Variants in RFX4 observed in about 807,000 individuals in gnomAD.
RFX4 encodes transcription factor RFX4.
RFX4 carries 10 observed loss-of-function variants against 95.0 expected under a neutral mutation model. The observed-to-expected ratio is 0.11, with a 90% CI of 0.06 to 0.18. The LOEUF (loss-of-function observed/expected upper bound fraction) is 0.18, where lower values mean the gene tolerates loss of function less well. Ranked by LOEUF, RFX4 falls within the 10% of genes least tolerant of loss-of-function variation. The pLI is 1.00. For synonymous variants in RFX4, 321 were observed against 340.7 expected (o/e 0.94, Z 0.64); for missense variants, 640 against 922.0 (o/e 0.69, Z 3.96).
At chr12:106,602,911 C>T (rs2039741818) in intron 1 of RFX4, among the ~76,000 whole-genome samples, 1 of 152,100 alleles carries the variant, frequency 6.6e-6, no homozygotes, top group African/African-American at 2.4e-5. Context: ...TTCGAACTTA[C>T]ATGTTAAGGG....
At chr12:106,644,021 T>G (rs2040689983) in intron 3 of RFX4, among the ~76,000 whole-genome samples, 1 of 152,190 alleles carries the variant, frequency 6.6e-6, no homozygotes, top group African/African-American at 2.4e-5. Flanking sequence ...GTTTTTAATT[T>G]AGCATTGTCT....
intron 10 of RFX4, among the ~76,000 whole-genome samples, chr12:106,713,708 A>G (rs1025730575): frequency 1.4e-4 from 22 of 152,282 alleles, no homozygotes; most frequent in African/African-American, 4.8e-4. Flanking sequence ...GGAATCCTCA[A>G]CAGCAGCCCT....
intron 14 of RFX4, among the ~76,000 whole-genome samples, 177 bp from the exon 15 acceptor site, chr12:106,732,747 G>A (rs2042637195): frequency 6.6e-6 from 1 of 152,042 alleles, no homozygotes; most frequent in Non-Finnish European, 1.5e-5. Flanking sequence ...TAAATAAAGT[G>A]GGCATATTTA....
At chr12:106,635,711 G>T (rs1449221689) in intron 2 of RFX4, among the ~76,000 whole-genome samples, 1 of 152,140 alleles carries the variant, frequency 6.6e-6, no homozygotes, top group Admixed American at 6.5e-5. Flanking sequence ...GAACATTTTA[G>T]ATGTCCCTCA....
At position 106,732,908 on chromosome 12, in the gene RFX4, C is replaced by T. The variant is rs1306145019; in HGVS notation, c.1472-16C>T. 1.9e-6 allele frequency: 3 copies of T among 1,609,888 alleles called. No homozygotes were observed. The highest frequency in any genetic ancestry group is 2.5e-6 in the Non-Finnish European group (3 of 1,176,734). ...TTACATTTGGTTTTAAAAACTTACC[C>T]TATCTCTATCCACAGCAGAAGTCCG... is the stretch of plus-strand genomic sequence containing the variant. On this transcript the variant is annotated splice_polypyrimidine_tract_variant and intron_variant, in intron 14 of 17. Transcript: ENST00000392842.
At chr12:106,645,399 T>C (rs1413356297) in intron 3 of RFX4, among the ~76,000 whole-genome samples, 1 of 152,014 alleles carries the variant, frequency 6.6e-6, no homozygotes, top group Non-Finnish European at 1.5e-5. Flanking sequence ...CAGAGCTCCT[T>C]GTACGCCTTC....
At chr12:106,674,562 C>T (rs1592924091) in intron 4 of RFX4, among the ~76,000 whole-genome samples, 1 of 151,966 alleles carries the variant, frequency 6.6e-6, no homozygotes, top group South Asian at 2.1e-4. Flanking sequence ...AACTCCTGAC[C>T]TTAGTGATCT....
At chr12:106,611,032 T>C (rs1311589632) in intron 2 of RFX4, among the ~76,000 whole-genome samples, 2 of 152,202 alleles carry the variant, frequency 1.3e-5, no homozygotes, top group African/African-American at 4.8e-5. Flanking sequence ...TAAAATGGTA[T>C]CCCATTGTGG....
rs747777670 is a variant in RFX4 at position 106,654,240 on chromosome 12, C to T, written c.204C>T (p.Asn68=). 1.2e-6 allele frequency: 2 copies of T among 1,613,874 alleles called. No individual in the cohort carries two copies. The highest frequency in any genetic ancestry group is 1.7e-5 in the Admixed American group (1 of 60,000). ...TTTATTTCCCTAGGCTGGAGGAGAA[C>T]TATGAGATTGCAGAGGGGGTCTGCA... The part of the protein sequence containing the change: ...TPATLQWLEE[N]YEIAEGVCIP... Residue 68 remains asparagine, a synonymous_variant, in exon 4 of 18, where the codon AAC becomes AAT. Transcript: ENST00000392842.
At chr12:106,601,127 G>A (rs2137182246) in intron 1 of RFX4, 2 of 1,434,858 alleles carry the variant, frequency 1.4e-6, no homozygotes, top group South Asian at 3.0e-5. Flanking sequence ...CCTGGGGCAG[G>A]ACCTGTGGCG....
intron 4 of RFX4, among the ~76,000 whole-genome samples, chr12:106,671,323 AT>A (rs951665308): frequency 5.9e-5 from 9 of 152,290 alleles, no homozygotes; most frequent in African/African-American, 1.9e-4. Context: ...TCAAGATCAT[AT>A]TATTTGGGGT....
intron 3 of RFX4, among the ~76,000 whole-genome samples, chr12:106,640,776 G>A (rs1034513642): frequency 7.0e-6 from 1 of 141,944 alleles, no homozygotes; most frequent in Non-Finnish European, 1.5e-5. Context: ...GGAATTGACA[G>A]ACTTTTTTTT....
chr12:106,658,029 T>C (rs1285339389), intron 4 of RFX4, among the ~76,000 whole-genome samples: 2 of 152,160 alleles, frequency 1.3e-5, no homozygotes, highest in African/African-American at 4.8e-5. Context: ...GTTTTGTCTG[T>C]CTCCTCTAGA....
intron 2 of RFX4, among the ~76,000 whole-genome samples, chr12:106,615,873 G>T (rs999870167): frequency 6.6e-6 from 1 of 152,032 alleles, no homozygotes; most frequent in African/African-American, 2.4e-5. Context: ...TGCATTTTTT[G>T]AACATTCTAT....
At chr12:106,647,329 A>G (rs867785415) in intron 3 of RFX4, among the ~76,000 whole-genome samples, 18 of 152,314 alleles carry the variant, frequency 1.2e-4, no homozygotes, top group Middle Eastern at 6.8e-3. Flanking sequence ...GTCGCTGTGG[A>G]CAAGCCACTT....
intron 15 of RFX4, among the ~76,000 whole-genome samples, chr12:106,745,004 CTT>C (rs1284663746): frequency 6.6e-6 from 1 of 152,152 alleles, no homozygotes; most frequent in East Asian, 1.9e-4. Flanking sequence ...GATCGTCAGT[CTT>C]AGTGCTCCTA....
intron 2 of RFX4, among the ~76,000 whole-genome samples, chr12:106,621,757 C>T (rs1365536157): frequency 6.6e-6 from 1 of 152,202 alleles, no homozygotes; most frequent in Admixed American, 6.5e-5. Flanking sequence ...ATAGACTATA[C>T]TCTTTGCTTG....
intron 5 of RFX4, chr12:106,682,269 G>T: frequency 1.8e-6 from 1 of 562,754 alleles, no homozygotes. Context: ...TGGCTCTGCT[G>T]CTTTAAGGAA....
intron 2 of RFX4, among the ~76,000 whole-genome samples, chr12:106,624,711 A>G (rs1473432442): frequency 6.6e-6 from 1 of 152,230 alleles, no homozygotes; most frequent in African/African-American, 2.4e-5. Flanking sequence ...TGTGGCCCAC[A>G]GAGCCTAAAA....
Sources: allele counts gnomAD v4.1 joint callset (sites outside exome capture counted in the v4.1 genomes callset), GRCh38; gene constraint gnomAD v4.1.1; transcripts MANE v1.5; gene names NCBI Gene and HGNC (gene_info 2026-07-23, HGNC 2026-07-21).